The following CUL9 variants were observed in gnomAD, a reference collection of about 807,000 sequenced individuals.
CUL9 encodes the protein cullin-9.
A neutral mutation model predicts 272.6 loss-of-function variants in CUL9; 79 were observed. The ratio of observed to expected loss-of-function variants is 0.29; its 90% confidence interval spans 0.24 to 0.35. The LOEUF is 0.35. Among genes scored for constraint, CUL9 ranks in the 10% least tolerant of loss-of-function variants. CUL9 has a pLI of 1.00. For missense variants in CUL9, 2,532 were observed against 3,255.6 expected, an observed-to-expected ratio of 0.78 and a Z score of 5.41; for synonymous variants, 1,186 against 1,286.5, an observed-to-expected ratio of 0.92 and a Z score of 1.67.
At position 43,199,290 on chromosome 6, in the gene CUL9, C is replaced by T; in HGVS notation, c.3075C>T (p.Phe1025=). 1 of 1,613,552 alleles carries T rather than the reference C, an allele frequency of 6.2e-7. No individual in the cohort carries two copies. Among genetic ancestry groups the T allele is most frequent in the Non-Finnish European group, 8.5e-7 (1 of 1,179,674 alleles). Residue 1025 remains phenylalanine (F), a synonymous_variant, in exon 13 of 41, where the codon TTC becomes TTT. Transcript: ENST00000252050. This position sits in a 1 kb window ranked among gnomAD's most constrained non-coding sequence, Gnocchi z 4.4. ...GGGTCATAACCCGACTGCTGGATTT[C>T]CCTGAGGCAATGGTCCTCCCCTGGC... ...VLRVITRLLD[F]PEAMVLPWHE... is the part of the protein sequence containing the mutation.
chr6:43,216,417 C>G lies in CUL9; in HGVS notation c.6196C>G (p.Arg2066Gly), dbSNP rs201176247. 3.7e-6 allele frequency: 6 copies of G among 1,613,682 alleles called. No homozygotes were observed. Among genetic ancestry groups the G allele is most frequent in the Non-Finnish European group, 5.1e-6 (6 of 1,179,698 alleles). ...ACACCAGGCTCAGGCTGTACCCGTA[C>G]GGCCTGACCACTGCCCCGTCTGTGT... is the stretch of plus-strand genomic sequence containing the variant. ...CVHQAQAVPV[R>G]PDHCPVCVSP... The change falls in exon 31 of 41, where the codon CGG (arginine) becomes GGG (glycine). Residue 2066 changes from arginine to glycine, a missense_variant. Around this residue, in one of 3 missense-constraint regions of CUL9, gnomAD observed 2,218 missense variants for 2,788.6 expected, o/e 0.80. Coordinates refer to ENST00000252050, the MANE Select transcript of CUL9 (RefSeq NM_015089.4).
Position 43,221,736 on chromosome 6 carries a change from C to A in CUL9, c.6804C>A (p.Ser2268=), listed in dbSNP as rs1462890839. Residue 2268 remains serine, a synonymous_variant, in exon 35 of 41, where the codon TCC becomes TCA. Transcript: ENST00000252050. This position sits in a 1 kb window ranked among gnomAD's most constrained non-coding sequence, Gnocchi z 4.2. ...NHGFCWRCLK[S]WKPNHKDYYN... ...GATTCTGCTGGCGCTGCCTCAAGTCCTGGAAGCCAAATCACAAAGACTATT... is the reference window on the plus strand; with the variant it reads ...GATTCTGCTGGCGCTGCCTCAAGTCATGGAAGCCAAATCACAAAGACTATT... 6.2e-7 allele frequency: 1 copy of A among 1,613,618 alleles called. No homozygotes were observed. The highest frequency in any genetic ancestry group is 8.5e-7 in the Non-Finnish European group (1 of 1,180,030).
Position 43,184,621 on chromosome 6 carries a change from C to G in CUL9, c.311C>G (p.Pro104Arg). Reference sequence around the variant, plus strand: ...GTTTCAGGAAGCTTTCCTCGAGATCCAGGAGGCCTGGATGAAGTGGCAATG... The same window carrying G: ...GTTTCAGGAAGCTTTCCTCGAGATCGAGGAGGCCTGGATGAAGTGGCAATG... The part of the protein sequence containing the change: ...AGVSGSFPRD[P>R]GGLDEVAMGE... Residue 104 changes from proline (P) to arginine (R), a missense_variant, in exon 2 of 41, where the codon CCA becomes CGA. Physicochemically the swap from Pro to Arg is moderately radical, Grantham distance 103. Around this residue, in one of 3 missense-constraint regions of CUL9, gnomAD observed 2,218 missense variants for 2,788.6 expected, o/e 0.80. Coordinates refer to ENST00000252050, the MANE Select transcript of CUL9 (RefSeq NM_015089.4). The surrounding 1 kb of genome is among the most constrained non-coding windows in gnomAD (Gnocchi z 4.8). 6.2e-7 allele frequency: 1 copy of G among 1,612,280 alleles called. No individual in the cohort carries two copies. Among genetic ancestry groups the G allele is most frequent in the Non-Finnish European group, 8.5e-7 (1 of 1,178,512 alleles).
At position 43,196,785 on chromosome 6, in the gene CUL9, C is replaced by G. The variant is rs1774036934; in HGVS notation, c.2726C>G (p.Pro909Arg). The change falls in exon 11 of 41, where the codon CCT (proline) becomes CGT (arginine). Residue 909 changes from proline to arginine, a missense_variant. By Grantham distance (103) the Pro-to-Arg change is moderately radical. Around this residue, in one of 3 missense-constraint regions of CUL9, gnomAD observed 2,218 missense variants for 2,788.6 expected, o/e 0.80. Transcript: ENST00000252050. ...TCAGGGATAGCACCAAGAACAGAACCTATGCCTACCACACGCACCATCCTC... is the reference window on the plus strand; with the variant it reads ...TCAGGGATAGCACCAAGAACAGAACGTATGCCTACCACACGCACCATCCTC... ...RHSGIAPRTEPMPTTRTILMM... is the reference protein window; with the variant it reads ...RHSGIAPRTERMPTTRTILMM... 1 of 1,614,196 alleles carries G rather than the reference C, an allele frequency of 6.2e-7. No homozygotes were observed. The highest frequency in any genetic ancestry group is 8.5e-7 in the Non-Finnish European group (1 of 1,180,026).
At position 43,221,448 on chromosome 6, in the gene CUL9, T is replaced by A; in HGVS notation, c.6752+127T>A. On this transcript the variant is annotated intron_variant, in intron 34 of 40. Coordinates refer to ENST00000252050, the MANE Select transcript of CUL9 (RefSeq NM_015089.4). The surrounding 1 kb of genome is among the most constrained non-coding windows in gnomAD (Gnocchi z 4.2). ...GGTGGTTCCTCAGCCGCCCCTCACG[T>A]GGCAGCCTCCACGGTGACTTCCTGG... is the stretch of plus-strand genomic sequence containing the variant. 1 of 1,151,574 alleles carries A rather than the reference T, an allele frequency of 8.7e-7. No homozygotes were observed. Among genetic ancestry groups the A allele is most frequent in the Non-Finnish European group, 1.2e-6 (1 of 830,436 alleles). 71.3% of individuals were successfully genotyped at this position (1,151,574 alleles called of 1,614,324 possible). A position where few individuals can be genotyped will look rare whatever the true frequency, so the allele number is the denominator to read the frequency against.
Position 43,186,007 on chromosome 6 carries a change from C to T in CUL9, c.803C>T (p.Ser268Phe). The T allele has an allele frequency of 6.2e-7, 1 of 1,614,016 alleles. No individual in the cohort carries two copies. The highest frequency in any genetic ancestry group is 2.2e-5 in the East Asian group (1 of 44,886). The change falls in exon 4 of 41, where the codon TCC becomes TTC. Residue 268 changes from serine (S) to phenylalanine (F), a missense_variant. Ser to Phe is a radical substitution (Grantham distance 155). Around this residue, in one of 3 missense-constraint regions of CUL9, gnomAD observed 2,218 missense variants for 2,788.6 expected, o/e 0.80. Coordinates refer to ENST00000252050, the MANE Select transcript of CUL9 (RefSeq NM_015089.4). ...SLVKRYLCVT[S>F]LLDQLNSSPE... is the part of the protein sequence containing the mutation. ...GTGAAGCGCTACCTTTGTGTCACGT[C>T]CCTCCTGGATCAGCTGAATAGCAGT...
chr6:43,222,965 C>A, intron 38 of CUL9, 69 bp downstream of exon 38: 3 of 1,347,794 alleles, frequency 2.2e-6, no homozygotes, highest in Non-Finnish European at 3.2e-6. Flanking sequence ...CGGCCCCTCC[C>A]AGACAGGTCA....
intron 8 of CUL9, among the ~76,000 whole-genome samples, chr6:43,189,816 G>T (rs1041704683): frequency 2.0e-5 from 3 of 152,202 alleles, no homozygotes; most frequent in African/African-American, 7.2e-5. Context: ...TTACAGGTGT[G>T]AGCCACCATG....
chr6:43,191,481 ATTTTTT>A (rs34090146), intron 8 of CUL9, among the ~76,000 whole-genome samples: 4 of 97,480 alleles, frequency 4.1e-5, no homozygotes, highest in African/African-American at 1.5e-4. Flanking sequence ...CACCCAGCTA[ATTTTTT>A]TTTTTTTTTT....
Position 43,222,826 on chromosome 6 carries a change from G to A in CUL9, c.7080G>A (p.Glu2360=), listed in dbSNP as rs1776485947. Residue 2360 remains glutamate (E), a synonymous_variant, in exon 38 of 41, where the codon GAG becomes GAA. Coordinates refer to ENST00000252050, the MANE Select transcript of CUL9 (RefSeq NM_015089.4). ...CVYSFYSQDA[E]YMDVVEQQTE... ...ACAGCTTCTACAGCCAGGACGCAGAGTACATGGATGTGGTGGAGCAGCAGA... is the reference window on the plus strand; with the variant it reads ...ACAGCTTCTACAGCCAGGACGCAGAATACATGGATGTGGTGGAGCAGCAGA... 3 of 1,613,972 alleles carry A rather than the reference G, an allele frequency of 1.9e-6. No individual in the cohort carries two copies. The South Asian group carries it at 3.3e-5, about 18-fold the overall frequency.
Position 43,213,822 on chromosome 6 carries a change from A to T in CUL9, c.5598A>T (p.Glu1866Asp), listed in dbSNP as rs1775724894. Reference sequence around the variant, plus strand: ...AGAAGGATGAAGGCCGAACCCTGGAACAGAAGAGGAATCTCTTGAGCTGTC... The same window carrying T: ...AGAAGGATGAAGGCCGAACCCTGGATCAGAAGAGGAATCTCTTGAGCTGTC... ...NVEKDEGRTL[E>D]QKRNLLSCLL... Residue 1866 changes from glutamate (E) to aspartate (D), a missense_variant, in exon 29 of 41, where the codon GAA becomes GAT. Around this residue, in one of 3 missense-constraint regions of CUL9, gnomAD observed 2,218 missense variants for 2,788.6 expected, o/e 0.80. Coordinates refer to ENST00000252050, the MANE Select transcript of CUL9 (RefSeq NM_015089.4). This position sits in a 1 kb window ranked among gnomAD's most constrained non-coding sequence, Gnocchi z 5.7. 6.2e-7 allele frequency: 1 copy of T among 1,614,052 alleles called. No homozygotes were observed. Among genetic ancestry groups the T allele is most frequent in the African/African-American group, 1.3e-5 (1 of 74,930 alleles).
At position 43,196,793 on chromosome 6, in the gene CUL9, A is replaced by AC; in HGVS notation, c.2736dup (p.Thr913HisfsTer20). 1 of 1,614,158 alleles carries AC rather than the reference A, an allele frequency of 6.2e-7. No homozygotes were observed. Among genetic ancestry groups the AC allele is most frequent in the South Asian group, 1.1e-5 (1 of 91,084 alleles). On this transcript the variant is annotated frameshift_variant, in exon 11 of 41. Transcript: ENST00000252050. LOFTEE classifies it high-confidence loss of function. ...AGCACCAAGAACAGAACCTATGCCT[A>AC]CCACACGCACCATCCTCATGATGCT... is the stretch of plus-strand genomic sequence containing the variant.
intron 29 of CUL9, among the ~76,000 whole-genome samples, chr6:43,214,753 G>A (rs1775793114): frequency 6.6e-6 from 1 of 151,654 alleles, no homozygotes; most frequent in South Asian, 2.1e-4. Flanking sequence ...GTGAGAGATG[G>A]TGCCACTGCA....
At position 43,200,512 on chromosome 6, in the gene CUL9, G is replaced by C; in HGVS notation, c.3461G>C (p.Arg1154Thr). 6.2e-7 allele frequency: 1 copy of C among 1,614,106 alleles called. No homozygotes were observed. Among genetic ancestry groups the C allele is most frequent in the Non-Finnish European group, 8.5e-7 (1 of 1,180,006 alleles). Reference sequence around the variant, plus strand: ...ATCCCCTTCTTTGATGTGTTCCTCAGGCATCTCTGCCAGGGTTAGTGCCCT... The same window carrying C: ...ATCCCCTTCTTTGATGTGTTCCTCACGCATCTCTGCCAGGGTTAGTGCCCT... ...INIPFFDVFL[R>T]HLCQGSSVEV... The change falls in exon 15 of 41, where the codon AGG becomes ACG. Residue 1154 changes from arginine to threonine, a missense_variant. By Grantham distance (71) the Arg-to-Thr change is moderately conservative. Coordinates refer to ENST00000252050, the MANE Select transcript of CUL9 (RefSeq NM_015089.4). The surrounding 1 kb of genome is among the most constrained non-coding windows in gnomAD (Gnocchi z 4.0).
chr6:43,188,420 A>G, intron 7 of CUL9, 103 bp from the exon 8 acceptor site: 1 of 1,135,198 alleles, frequency 8.8e-7, no homozygotes, highest in Non-Finnish European at 1.2e-6. Flanking sequence ...AGTAGCCGAT[A>G]ATGTGTTTAA....
In CUL9 at chr6:43,224,251, C is replaced by T. The variant is rs1247932668; in HGVS notation, c.7360C>T (p.Pro2454Ser). 3.1e-6 allele frequency: 5 copies of T among 1,613,958 alleles called. No individual in the cohort carries two copies. The African/African-American group carries it at 6.7e-5, about 22-fold the overall frequency. Reference sequence around the variant, plus strand: ...GCTGAGTGTGGTGGCTCTCCCTAGGCCCCAGGCCTCCTCAGGGCCAGAGGC... The same window carrying T: ...GCTGAGTGTGGTGGCTCTCCCTAGGTCCCAGGCCTCCTCAGGGCCAGAGGC... ...AKGPNMPGSQ[P>S]QASSGPEAEE... Residue 2454 changes from proline to serine, a missense_variant and splice_region_variant, in exon 41 of 41, where the codon CCC (proline) becomes TCC (serine). This residue lies in a region of CUL9 where 237 missense variants were observed against 305.9 expected (regional missense o/e 0.77). Coordinates refer to ENST00000252050, the MANE Select transcript of CUL9 (RefSeq NM_015089.4). The surrounding 1 kb of genome is among the most constrained non-coding windows in gnomAD (Gnocchi z 4.2).
Position 43,213,694 on chromosome 6 carries a change from G to T in CUL9, c.5489-19G>T. On this transcript the variant is annotated intron_variant, in intron 28 of 40. Transcript: ENST00000252050. This position sits in a 1 kb window ranked among gnomAD's most constrained non-coding sequence, Gnocchi z 5.7. ...TGTCCCTCTGCCTCCTCTGGTACCT[G>T]ACCGGGAGCGGGTTCCAGGTGTGCT... 6.2e-7 allele frequency: 1 copy of T among 1,610,694 alleles called. No homozygotes were observed. The highest frequency in any genetic ancestry group is 1.1e-5 in the South Asian group (1 of 90,938).
chr6:43,197,644 C>A (rs554022733), intron 11 of CUL9, among the ~76,000 whole-genome samples: 1 of 150,216 alleles, frequency 6.7e-6, no homozygotes, highest in Non-Finnish European at 1.5e-5. Context: ...CCACCACACC[C>A]AGCTAATTTT....
rs924979726 is a variant in CUL9, at chr6:43,214,523, G to A, written c.5689-556G>A. ...AAGTATGAGAAACTTAGTAGTGGCCGGGCGCGGTGGCTCATGCCTGTAATC... is the reference window on the plus strand; with the variant it reads ...AAGTATGAGAAACTTAGTAGTGGCCAGGCGCGGTGGCTCATGCCTGTAATC... On this transcript the variant is annotated intron_variant, in intron 29 of 40. Transcript: ENST00000252050. Among the ~76,000 whole-genome samples, 15 of 151,114 alleles carry A rather than the reference G, an allele frequency of 9.9e-5. 1 individual carries two copies. The highest frequency in any genetic ancestry group is 1.3e-4 in the Non-Finnish European group (9 of 67,778).
Sources: allele counts gnomAD v4.1 joint callset (sites outside exome capture counted in the v4.1 genomes callset), GRCh38; gene constraint gnomAD v4.1.1; regional missense constraint gnomAD v4.1.1; non-coding constraint Gnocchi (gnomAD v3.1); transcripts MANE v1.5; gene names NCBI Gene and HGNC (gene_info 2026-07-23, HGNC 2026-07-21).